ASH1L: variants seen among roughly 807,000 people sequenced by gnomAD.
The protein encoded by ASH1L is histone-lysine N-methyltransferase ASH1L.
Under a neutral mutation model 269.0 loss-of-function variants are expected in ASH1L, and 23 were observed. That is an observed-to-expected ratio of 0.09 (90% CI 0.06 to 0.12). The LOEUF is 0.12. Among genes scored for constraint, ASH1L ranks in the 10% least tolerant of loss-of-function variants. The pLI is 1.00. For synonymous variants in ASH1L, 1,187 were observed against 1,253.5 expected (o/e 0.95, Z 1.12); for missense variants, 2,912 against 3,567.8 (o/e 0.82, Z 4.68).
intron 2 of ASH1L, among the ~76,000 whole-genome samples, chr1:155,517,395 G>A (rs1668565216): frequency 6.6e-6 from 1 of 152,066 alleles, no homozygotes; most frequent in Admixed American, 6.6e-5. Context: ...ATGGGAGGCC[G>A]AGGCAGGCAG....
At chr1:155,489,819 T>C (rs1012324679) in intron 2 of ASH1L, among the ~76,000 whole-genome samples, 1 of 150,726 alleles carries the variant, frequency 6.6e-6, no homozygotes, top group African/African-American at 2.4e-5. Flanking sequence ...AATAAATAAA[T>C]AAATAAATAA....
rs1373258954 is a variant in ASH1L at position 155,357,322 on chromosome 1, C to T, written c.7049G>A (p.Arg2350His). The change falls in exon 15 of 28, where the codon CGT becomes CAT. Residue 2350 changes from arginine to histidine, a missense_variant. Around this residue, in one of 13 missense-constraint regions of ASH1L, gnomAD observed 309 missense variants for 435.1 expected, o/e 0.71. Transcript: ENST00000392403. ...AAGGATATTTCCTTTTTACCTTTCA[C>T]GATTGGACATTGGCTTCATCTGTAA... The part of the protein sequence containing the change: ...PQLQMKPMSN[R>H]ERNFVLKHHV... 4 of 1,611,898 alleles carry T rather than the reference C, an allele frequency of 2.5e-6. No homozygotes were observed. The highest frequency in any genetic ancestry group is 3.4e-6 in the Non-Finnish European group (4 of 1,178,426).
At position 155,438,555 on chromosome 1, in the gene ASH1L, A is replaced by T. The variant is rs1351484543; in HGVS notation, c.5600T>A (p.Phe1867Tyr). 6.2e-7 allele frequency: 1 copy of T among 1,613,926 alleles called. No individual in the cohort carries two copies. The highest frequency in any genetic ancestry group is 1.1e-5 in the South Asian group (1 of 91,012). Reference protein sequence around the residue: ...PLQAVVSMQAFQAAQFVNPEL... With the variant: ...PLQAVVSMQAYQAAQFVNPEL... ...TGGGTTGACAAACTGAGCAGCCTGG[A>T]ATGCTTGCATTGATACGACAGCCTG... The change falls in exon 5 of 28, where the codon TTC becomes TAC. Residue 1867 changes from phenylalanine (F) to tyrosine (Y), a missense_variant. By Grantham distance (22) the Phe-to-Tyr change is conservative. Around this residue, in one of 13 missense-constraint regions of ASH1L, gnomAD observed 789 missense variants for 897.6 expected, o/e 0.88. Transcript: ENST00000392403.
chr1:155,521,641 A>G (rs1179091826), intron 1 of ASH1L, 23 bp from the exon 2 acceptor site: 1 of 940,526 alleles, frequency 1.1e-6, no homozygotes, highest in African/African-American at 1.7e-5. Flanking sequence ...TCATAACAAA[A>G]ATTTATCAGA....
rs1345683218 is a variant in ASH1L, at chr1:155,347,873, C to T, written c.7586G>A (p.Arg2529Lys). The change falls in exon 20 of 28, where the codon AGA (arginine) becomes AAA (lysine). Residue 2529 changes from arginine (R) to lysine (K), a missense_variant. Arg to Lys is a conservative substitution (Grantham distance 26). Transcript: ENST00000392403. Reference protein sequence around the residue: ...KYYGRKSPVGRDVCRLRKAYY... With the variant: ...KYYGRKSPVGKDVCRLRKAYY... ...GGCCTTTCGTAGACGACAAACATCT[C>T]TCCCAACTGGGGATTTACGCCCATA... 1.2e-6 allele frequency: 2 copies of T among 1,614,254 alleles called. No individual in the cohort carries two copies. Among genetic ancestry groups the T allele is most frequent in the Non-Finnish European group, 1.7e-6 (2 of 1,180,046 alleles).
In ASH1L at chr1:155,482,212, A is replaced by G. The variant is rs778347521; in HGVS notation, c.658T>C (p.Leu220=). Residue 220 remains leucine, a synonymous_variant, in exon 3 of 28, where the codon TTG becomes CTG. Coordinates refer to ENST00000392403, the MANE Select transcript of ASH1L (RefSeq NM_018489.3). The part of the protein sequence containing the change: ...LNGGTSVTEK[L]AQLIATCPPS... ...GGACAGGTAGCAATCAGCTGTGCCA[A>G]CTTTTCTGTTACACTAGTTCCTCCA... The G allele has an allele frequency of 3.0e-5, 48 of 1,614,018 alleles. No individual in the cohort carries two copies. Among genetic ancestry groups the G allele is most frequent in the East Asian group, 4.5e-5 (2 of 44,892 alleles).
rs1013587090 is a variant in ASH1L, at chr1:155,405,424, G to A, written c.6009-9871C>T. ...TTGAACCCAAGAGGGGGAAGTTGCA[G>A]TGAGCCGAGATGAAGCCGCTGCCCT... On this transcript the variant is annotated intron_variant, in intron 6 of 27. Transcript: ENST00000392403. Among the ~76,000 whole-genome samples the A allele has an allele frequency of 9.2e-5, 14 of 152,254 alleles. No individual in the cohort carries two copies. The East Asian group carries it at 2.7e-3, about 29-fold the overall frequency.
In ASH1L at chr1:155,477,741, G is replaced by A. The variant is rs779155426; in HGVS notation, c.4984+145C>T. The A allele has an allele frequency of 9.5e-5, 71 of 749,646 alleles. 1 individual carries two copies. Among genetic ancestry groups the A allele is most frequent in the Non-Finnish European group, 1.3e-4 (69 of 527,440 alleles). The allele number at this position is 749,646 out of a possible 1,614,324, so 46.4% of individuals were successfully genotyped here. The stretch of plus-strand genomic sequence containing the variant: ...CATTCCCTACTTCTTAAATCTTAAG[G>A]AAAAGGAATACTGAGATTTCAAAAT... On this transcript the variant is annotated intron_variant, in intron 3 of 27. Coordinates refer to ENST00000392403, the MANE Select transcript of ASH1L (RefSeq NM_018489.3).
intron 7 of ASH1L, among the ~76,000 whole-genome samples, chr1:155,389,166 T>C (rs1417301839): frequency 6.6e-6 from 1 of 151,786 alleles, no homozygotes; most frequent in Non-Finnish European, 1.5e-5. Context: ...CTATCACTCC[T>C]GGCTAATTTT....
At chr1:155,562,059 G>A in intron 1 of ASH1L, 94 bp downstream of exon 1, 4 of 862,806 alleles carry the variant, frequency 4.6e-6, no homozygotes, top group Non-Finnish European at 5.4e-6. Context: ...CAGAGATCCA[G>A]GTCCGGGAGA....
chr1:155,538,893 T>G (rs1451529202), intron 1 of ASH1L, among the ~76,000 whole-genome samples: 1 of 152,160 alleles, frequency 6.6e-6, no homozygotes, highest in Non-Finnish European at 1.5e-5. Flanking sequence ...CCTGGTTCAA[T>G]ATCTTTACAA....
At chr1:155,346,608 T>C (rs1653356625) in intron 20 of ASH1L, 139 bp from the exon 21 acceptor site, 9 of 686,202 alleles carry the variant, frequency 1.3e-5, no homozygotes, top group Non-Finnish European at 2.0e-5. Flanking sequence ...AATGATAAAT[T>C]AGAGATAAAT....
At chr1:155,543,509 CAAAAAA>C (rs34813767) in intron 1 of ASH1L, among the ~76,000 whole-genome samples, 3 of 57,454 alleles carry the variant, frequency 5.2e-5, no homozygotes, top group Non-Finnish European at 9.9e-5. Context: ...GACTCTGTCT[CAAAAAA>C]AAAAAAAAAA....
At chr1:155,373,726 G>A (rs1030063980) in intron 10 of ASH1L, among the ~76,000 whole-genome samples, 1 of 152,086 alleles carries the variant, frequency 6.6e-6, no homozygotes, top group African/African-American at 2.4e-5. Flanking sequence ...GGAGTGCAGT[G>A]GCATGATCTT....
In ASH1L at chr1:155,532,881, GTA is replaced by G. The variant is rs537293686; in HGVS notation, c.-99-11265_-99-11264del. Among the ~76,000 whole-genome samples, 16 of 145,180 alleles carry G rather than the reference GTA, an allele frequency of 1.1e-4. No individual in the cohort carries two copies. The South Asian group carries it at 1.7e-3, about 16-fold the overall frequency. On this transcript the variant is annotated intron_variant, in intron 1 of 27. Coordinates refer to ENST00000392403, the MANE Select transcript of ASH1L (RefSeq NM_018489.3). The stretch of plus-strand genomic sequence containing the variant: ...CACACATATATATGTGTATATATAT[GTA>G]TATATATATGTATGTATGTATATGT...
intron 7 of ASH1L, among the ~76,000 whole-genome samples, chr1:155,393,928 G>A (rs757837164): frequency 6.6e-6 from 1 of 152,098 alleles, no homozygotes; most frequent in East Asian, 1.9e-4. Context: ...AATCCAGGGA[G>A]AGTAAGAAAG....
intron 7 of ASH1L, among the ~76,000 whole-genome samples, chr1:155,394,240 T>C (rs547524272): frequency 6.6e-6 from 1 of 152,148 alleles, no homozygotes; most frequent in South Asian, 2.1e-4. Flanking sequence ...TTCTAAAAAC[T>C]GAAAGAAGGC....
chr1:155,369,572 GT>G (rs1655749176), intron 12 of ASH1L, among the ~76,000 whole-genome samples: 2 of 151,804 alleles, frequency 1.3e-5, no homozygotes, highest in South Asian at 4.1e-4. Flanking sequence ...TATTTTTTAG[GT>G]GTGACTTTTT....
At chr1:155,416,309 G>A (rs977499846) in intron 5 of ASH1L, among the ~76,000 whole-genome samples, 1 of 151,820 alleles carries the variant, frequency 6.6e-6, no homozygotes, top group Non-Finnish European at 1.5e-5. Context: ...TAGTAGAGAC[G>A]GGTTTTGCCA....
Sources: gnomAD v4.1 joint callset for allele counts (sites outside exome capture counted in the v4.1 genomes callset) on GRCh38, gnomAD v4.1.1 for gene constraint, gnomAD v4.1.1 regional missense constraint, MANE v1.5 for transcripts, NCBI Gene and HGNC (gene_info 2026-07-23, HGNC 2026-07-21) for gene names.